The following PCNX4 variants were observed in gnomAD, a reference collection of about 807,000 sequenced individuals.
PCNX4 encodes pecanex 4.
A neutral mutation model predicts 107.2 loss-of-function variants in PCNX4; 103 were observed. That is an observed-to-expected ratio of 0.96 (90% confidence interval 0.82 to 1.13). The LOEUF (loss-of-function observed/expected upper bound fraction) is 1.13. Among genes scored for constraint, PCNX4 ranks in the 50% most tolerant of loss-of-function variants. PCNX4 has a pLI of 0.00. For missense variants in PCNX4, 1,528 were observed against 1,379.4 expected (o/e 1.11, Z -1.71); for synonymous variants, 541 against 481.7 (o/e 1.12, Z -1.61).
intron 7 of PCNX4, among the ~76,000 whole-genome samples, chr14:60,119,551 T>C (rs1222103831): frequency 6.6e-6 from 1 of 152,198 alleles, no homozygotes; most frequent in East Asian, 1.9e-4. Flanking sequence ...GAAAAAAATA[T>C]TTTATCTTTG....
chr14:60,132,644 G>T (rs2140569698), intron 10 of PCNX4, among the ~76,000 whole-genome samples: 1 of 151,646 alleles, frequency 6.6e-6, no homozygotes, highest in East Asian at 1.9e-4. Context: ...GTTCCTCAAA[G>T]GACACCATCA....
At chr14:60,130,229 A>G (rs447771) in intron 10 of PCNX4, among the ~76,000 whole-genome samples, 37,523 of 151,332 alleles carry the variant, frequency 0.25, 6,725 homozygotes, top group African/African-American at 0.5. Context: ...AGTCCCAGCT[A>G]CTCTGGAGGC....
At chr14:60,119,179 T>C (rs998964556) in intron 7 of PCNX4, among the ~76,000 whole-genome samples, 6 of 152,274 alleles carry the variant, frequency 3.9e-5, no homozygotes, top group African/African-American at 1.4e-4. Flanking sequence ...ACATAAAAAC[T>C]TCGGTCAGTG....
chr14:60,136,427 G>A lies in PCNX4; in HGVS notation c.*2206G>A, dbSNP rs555844051. ...GAAATATCATCAATAAATTGATGAT[G>A]ATCAAATATATGTACCTAACCCAAC... On this transcript the variant is annotated 3_prime_UTR_variant, in exon 11 of 11. Transcript: ENST00000406854. The A allele has an allele frequency of 6.6e-6, 1 of 152,208 alleles. No homozygotes were observed. The highest frequency in any genetic ancestry group is 1.9e-4 in the East Asian group (1 of 5,178). The allele number at this position is 152,208 out of a possible 1,614,324, so 9.4% of individuals were successfully genotyped here.
In PCNX4 at chr14:60,124,879, G is replaced by C. The variant is rs1896023160; in HGVS notation, c.2708G>C (p.Ser903Thr). Residue 903 changes from serine (S) to threonine (T), a missense_variant, in exon 9 of 11, where the codon AGT (serine) becomes ACT (threonine). Coordinates refer to ENST00000406854, the MANE Select transcript of PCNX4 (RefSeq NM_001330177.2). ...CCATATATTCCTCTCATGGAGTTCA[G>C]TTGTTCACATTCTCACTTAGTATGC... The part of the protein sequence containing the change: ...DMPYIPLMEF[S>T]CSHSHLVCLP... 29 of 1,613,856 alleles carry C rather than the reference G, an allele frequency of 1.8e-5. No homozygotes were observed. Among genetic ancestry groups the C allele is most frequent in the Non-Finnish European group, 2.5e-5 (29 of 1,179,778 alleles).
rs35459418 is a variant in PCNX4 at position 60,114,955 on chromosome 14, CT to C, written c.870-9del. ...TTTCTTTTCAAGTAAATATTTTTTT[CT>C]TTTTTTTTTCTGTACAGGTTATTAG... On this transcript the variant is annotated intron_variant, in intron 3 of 10. Transcript: ENST00000406854. 1,309,220 of 1,488,716 alleles carry C rather than the reference CT, an allele frequency of 0.88. 576,486 individuals are homozygous for C. Among genetic ancestry groups the C allele is most frequent in the East Asian group, 0.93 (39,740 of 42,730 alleles). 92.2% of individuals were successfully genotyped at this position (1,488,716 alleles called of 1,614,324 possible).
rs147263144 is a variant in PCNX4, at chr14:60,124,559, T to G, written c.2388T>G (p.Pro796=). ...ENKGKAPLML[P]ALNTLPPPKS... ...AAGGGAAAGCACCTCTAATGTTGCC[T>G]GCTTTGAACACTTTGCCACCTCCCA... Residue 796 remains proline, a synonymous_variant, in exon 9 of 11, where the codon CCT becomes CCG. Coordinates refer to ENST00000406854, the MANE Select transcript of PCNX4 (RefSeq NM_001330177.2). 2.7e-5 allele frequency: 43 copies of G among 1,613,694 alleles called. No individual in the cohort carries two copies. Among genetic ancestry groups the G allele is most frequent in the Non-Finnish European group, 3.6e-5 (42 of 1,179,794 alleles).
rs1896339705 is a variant in PCNX4, at chr14:60,144,036, T to TCATCTATCAAGGTAGGTAATAC, written c.*9824_*9845dup. On this transcript the variant is annotated 3_prime_UTR_variant, in exon 11 of 11. Coordinates refer to ENST00000406854, the MANE Select transcript of PCNX4 (RefSeq NM_001330177.2). Reference sequence around the variant, plus strand: ...AAAGTAAAACCTTGTTGGTCTTTCTTCATCTATCAAGGTAGGTAATACCAT... The same window carrying TCATCTATCAAGGTAGGTAATAC: ...AAAGTAAAACCTTGTTGGTCTTTCTTCATCTATCAAGGTAGGTAATACCATCTATCAAGGTAGGTAATACCAT... The TCATCTATCAAGGTAGGTAATAC allele has an allele frequency of 2.6e-5, 4 of 152,382 alleles. No individual in the cohort carries two copies. The South Asian group carries it at 8.3e-4, about 32-fold the overall frequency. 9.4% of individuals were successfully genotyped at this position (152,382 alleles called of 1,614,324 possible). A position where few individuals can be genotyped will look rare whatever the true frequency, so the allele number is the denominator to read the frequency against.
In PCNX4 at chr14:60,144,939, G is replaced by A. The variant is rs1372434072; in HGVS notation, c.*10718G>A. The A allele has an allele frequency of 5.1e-6, 8 of 1,581,930 alleles. No homozygotes were observed. The highest frequency in any genetic ancestry group is 1.7e-6 in the Non-Finnish European group (2 of 1,153,318). On this transcript the variant is annotated 3_prime_UTR_variant, in exon 11 of 11. Coordinates refer to ENST00000406854, the MANE Select transcript of PCNX4 (RefSeq NM_001330177.2). ...TTCATGTTTTCCATTTCTCCCTCCAGTGGCTTGAAAAGTACAGGTGCTCTT... is the reference window on the plus strand; with the variant it reads ...TTCATGTTTTCCATTTCTCCCTCCAATGGCTTGAAAAGTACAGGTGCTCTT...
At chr14:60,128,443 C>A (rs1044542762) in intron 10 of PCNX4, among the ~76,000 whole-genome samples, 1 of 152,102 alleles carries the variant, frequency 6.6e-6, no homozygotes, top group African/African-American at 2.4e-5. Flanking sequence ...TTCAAAGTGC[C>A]CCCTAAAGAA....
At position 60,144,939 on chromosome 14, in the gene PCNX4, G is replaced by C. The variant is rs1372434072; in HGVS notation, c.*10718G>C. The C allele has an allele frequency of 1.3e-6, 2 of 1,581,930 alleles. No individual in the cohort carries two copies. Among genetic ancestry groups the C allele is most frequent in the Admixed American group, 3.3e-5 (2 of 59,800 alleles). ...TTCATGTTTTCCATTTCTCCCTCCA[G>C]TGGCTTGAAAAGTACAGGTGCTCTT... is the stretch of plus-strand genomic sequence containing the variant. On this transcript the variant is annotated 3_prime_UTR_variant, in exon 11 of 11. Coordinates refer to ENST00000406854, the MANE Select transcript of PCNX4 (RefSeq NM_001330177.2).
chr14:60,105,457 G>A (rs1389658378), intron 1 of PCNX4, among the ~76,000 whole-genome samples: 2 of 152,130 alleles, frequency 1.3e-5, no homozygotes, highest in South Asian at 2.1e-4. Flanking sequence ...AATACACATA[G>A]CTTAGTTAAT....
At chr14:60,123,431 A>G (rs1176509448) in intron 8 of PCNX4, among the ~76,000 whole-genome samples, 1 of 152,160 alleles carries the variant, frequency 6.6e-6, no homozygotes, top group East Asian at 1.9e-4. Context: ...AGTTCTTGCC[A>G]GCACCTGGTG....
intron 2 of PCNX4, chr14:60,108,584 TTAAA>T: frequency 3.8e-6 from 1 of 264,744 alleles, no homozygotes; most frequent in Non-Finnish European, 7.5e-6. Context: ...GTGTTTCACT[TTAAA>T]TAAGGAGCTT....
chr14:60,118,118 T>G (rs75497201), intron 6 of PCNX4, among the ~76,000 whole-genome samples: 1 of 86,314 alleles, frequency 1.2e-5, no homozygotes, highest in Non-Finnish European at 2.0e-5. Flanking sequence ...AGTGTTACTG[T>G]TTTTTTTTTT....
rs1895314364 is a variant in PCNX4, at chr14:60,092,277, T to A, written c.-196T>A. On this transcript the variant is annotated 5_prime_UTR_variant, in exon 1 of 11. Transcript: ENST00000406854. Reference sequence around the variant, plus strand: ...TGGCCCGGGCGGGGCCGCGGTGAGCTCGTTATTCGGCCGCCGCAGCTTTTC... The same window carrying A: ...TGGCCCGGGCGGGGCCGCGGTGAGCACGTTATTCGGCCGCCGCAGCTTTTC... 6.6e-6 allele frequency: 1 copy of A among 152,180 alleles called. No homozygotes were observed. Among genetic ancestry groups the A allele is most frequent in the Non-Finnish European group, 1.5e-5 (1 of 68,046 alleles). 9.4% of individuals were successfully genotyped at this position (152,180 alleles called of 1,614,324 possible). A position where few individuals can be genotyped will look rare whatever the true frequency, so the allele number is the denominator to read the frequency against.
chr14:60,098,961 AG>A (rs1209616249), intron 1 of PCNX4, among the ~76,000 whole-genome samples: 1 of 151,978 alleles, frequency 6.6e-6, no homozygotes, highest in Non-Finnish European at 1.5e-5. Flanking sequence ...AAAAAAAGAA[AG>A]AAAAGACTCC....
chr14:60,125,459 G>T (rs1041696295), intron 9 of PCNX4, among the ~76,000 whole-genome samples, 178 bp from the exon 10 acceptor site: 2 of 151,980 alleles, frequency 1.3e-5, no homozygotes, highest in Non-Finnish European at 2.9e-5. Context: ...GGAAAACCTG[G>T]TTTTTTTATG....
chr14:60,136,751 G>A lies in PCNX4; in HGVS notation c.*2530G>A, dbSNP rs1454091130. 4 of 152,664 alleles carry A rather than the reference G, an allele frequency of 2.6e-5. No homozygotes were observed. Among genetic ancestry groups the A allele is most frequent in the African/African-American group, 9.7e-5 (4 of 41,450 alleles). The allele number at this position is 152,664 out of a possible 1,614,324, so 9.5% of individuals were successfully genotyped here. A position where few individuals can be genotyped will look rare whatever the true frequency, so the allele number is the denominator to read the frequency against. ...TATTGATAAGATGCTCCCATGATGA[G>A]GTGGTTCTGGCCCTTGTTGTGGTGG... is the stretch of plus-strand genomic sequence containing the variant. On this transcript the variant is annotated 3_prime_UTR_variant, in exon 11 of 11. Coordinates refer to ENST00000406854, the MANE Select transcript of PCNX4 (RefSeq NM_001330177.2).
Sources: gnomAD v4.1 joint callset for allele counts (sites outside exome capture counted in the v4.1 genomes callset) on GRCh38, gnomAD v4.1.1 for gene constraint, MANE v1.5 for transcripts, NCBI Gene and HGNC (gene_info 2026-07-23, HGNC 2026-07-21) for gene names.